The following CNTN4 variants were observed in gnomAD, a reference collection of about 807,000 sequenced individuals.
CNTN4 encodes the protein contactin-4.
In CNTN4, 77 loss-of-function variants were observed where a neutral mutation model predicts 122.5. That is an observed-to-expected ratio of 0.63 (90% confidence interval 0.52 to 0.76). The LOEUF (loss-of-function observed/expected upper bound fraction) is 0.76, where lower values mean the gene tolerates loss of function less well. Ranked by LOEUF, CNTN4 falls within the 30% of genes least tolerant of loss-of-function variation. CNTN4 has a pLI of 0.00. For synonymous variants in CNTN4, 512 were observed against 447.0 expected (o/e 1.15, Z -1.83); for missense variants, 1,256 against 1,259.1 (o/e 1.00, Z 0.04).
intron 3 of CNTN4, among the ~76,000 whole-genome samples, chr3:2,502,905 C>G (rs11927415): frequency 2.2e-3 from 334 of 152,184 alleles, no homozygotes; most frequent in African/African-American, 7.6e-3. Context: ...TTACTAACTT[C>G]CCAAATTACA....
At chr3:2,187,264 T>C (rs1444807255) in intron 2 of CNTN4, among the ~76,000 whole-genome samples, 1 of 152,222 alleles carries the variant, frequency 6.6e-6, no homozygotes, top group African/African-American at 2.4e-5. Flanking sequence ...TTCTGAGGGC[T>C]CTGTTCGGTT....
intron 13 of CNTN4, chr3:2,927,358 A>G: frequency 4.4e-6 from 2 of 455,486 alleles, no homozygotes; most frequent in Non-Finnish European, 8.8e-6. Flanking sequence ...GTGGACCAAG[A>G]TGCTCTGGAC....
chr3:2,596,741 A>G (rs568456289), intron 4 of CNTN4, among the ~76,000 whole-genome samples: 77 of 152,294 alleles, frequency 5.1e-4, no homozygotes, highest in African/African-American at 1.7e-3. Flanking sequence ...TTGACTCTAA[A>G]GGTCCATGCT....
intron 13 of CNTN4, among the ~76,000 whole-genome samples, chr3:2,981,887 A>C (rs1377553843): frequency 6.6e-6 from 1 of 152,094 alleles, no homozygotes; most frequent in African/African-American, 2.4e-5. Flanking sequence ...TCTACTAAAA[A>C]TACAAAATAT....
In CNTN4 at chr3:2,375,922, G is replaced by GA. The variant is rs776661178; in HGVS notation, c.-89+36700dup. ...GCCTGACATACATCAGTTGAAAGAA[G>GA]AAAAAAAAAAAGAGAAAACCCTCTG... On this transcript the variant is annotated intron_variant, in intron 3 of 24. Coordinates refer to ENST00000418658, the MANE Select transcript of CNTN4 (RefSeq NM_175607.3). 3.4e-3 allele frequency among the ~76,000 whole-genome samples: 477 copies of GA among 141,036 alleles called. 2 individuals are homozygous for GA. Among genetic ancestry groups the GA allele is most frequent in the African/African-American group, 6.6e-3 (253 of 38,604 alleles). 92.5% of individuals were successfully genotyped at this position (141,036 alleles called of 152,430 possible). A position where few individuals can be genotyped will look rare whatever the true frequency, so the allele number is the denominator to read the frequency against.
intron 3 of CNTN4, among the ~76,000 whole-genome samples, chr3:2,457,595 A>G (rs2049048443): frequency 6.6e-6 from 1 of 152,126 alleles, no homozygotes; most frequent in South Asian, 2.1e-4. Flanking sequence ...ATTCCCATTT[A>G]TGTCCTCAAT....
chr3:2,102,510 A>G (rs909945362), intron 2 of CNTN4, among the ~76,000 whole-genome samples: 2 of 152,152 alleles, frequency 1.3e-5, no homozygotes, highest in Non-Finnish European at 2.9e-5. Context: ...TGTGAAATAT[A>G]TTTATTTCTC....
chr3:2,194,391 G>A (rs75236912), intron 2 of CNTN4, among the ~76,000 whole-genome samples: 1 of 152,262 alleles, frequency 6.6e-6, no homozygotes, highest in Admixed American at 6.5e-5. Flanking sequence ...AGCCTGAGAG[G>A]TTGAGGCTGG....
chr3:2,736,585 T>C (rs1418521442), intron 5 of CNTN4, among the ~76,000 whole-genome samples: 2 of 151,416 alleles, frequency 1.3e-5, no homozygotes, highest in African/African-American at 4.8e-5. Flanking sequence ...TGCCTCAGCC[T>C]CCCGAGTAGC....
intron 13 of CNTN4, among the ~76,000 whole-genome samples, chr3:2,961,219 G>C (rs1454526828): frequency 1.7e-5 from 1 of 59,330 alleles, no homozygotes; most frequent in Admixed American, 2.2e-4. Context: ...GACAGAACGA[G>C]ACTCCATCTC....
intron 2 of CNTN4, among the ~76,000 whole-genome samples, chr3:2,304,783 CTTTT>C (rs971983653): frequency 1.3e-5 from 2 of 150,048 alleles, no homozygotes; most frequent in South Asian, 4.3e-4. Flanking sequence ...TACAATGGAG[CTTTT>C]TCCATTGTAA....
At chr3:2,391,528 T>A (rs905240645) in intron 3 of CNTN4, among the ~76,000 whole-genome samples, 1 of 152,198 alleles carries the variant, frequency 6.6e-6, no homozygotes, top group Non-Finnish European at 1.5e-5. Context: ...ACCAGTCTAG[T>A]TTATTAACTC....
intron 3 of CNTN4, among the ~76,000 whole-genome samples, chr3:2,562,318 A>G (rs1199341822): frequency 6.6e-6 from 1 of 152,026 alleles, no homozygotes; most frequent in African/African-American, 2.4e-5. Context: ...AGGACAAATG[A>G]CCCTATCACC....
At chr3:2,581,567 A>G (rs1273252476) in intron 4 of CNTN4, among the ~76,000 whole-genome samples, 2 of 152,200 alleles carry the variant, frequency 1.3e-5, no homozygotes, top group Admixed American at 6.5e-5. Flanking sequence ...CCCCTTTAAG[A>G]CACCTTCATA....
At chr3:2,739,883 T>C (rs1282900342) in intron 5 of CNTN4, among the ~76,000 whole-genome samples, 2 of 152,200 alleles carry the variant, frequency 1.3e-5, no homozygotes, top group African/African-American at 2.4e-5. Flanking sequence ...GAGTTTTCTC[T>C]GTCTCAACTT....
intron 6 of CNTN4, among the ~76,000 whole-genome samples, chr3:2,788,519 G>A (rs1008712971): frequency 6.6e-6 from 1 of 152,102 alleles, no homozygotes; most frequent in African/African-American, 2.4e-5. Context: ...AAATACATAC[G>A]TAAGGATCTA....
Position 2,553,894 on chromosome 3 carries a change from CGAGT to C in CNTN4, c.-88-17521_-88-17518del, listed in dbSNP as rs545994157. On this transcript the variant is annotated intron_variant, in intron 3 of 24. Coordinates refer to ENST00000418658, the MANE Select transcript of CNTN4 (RefSeq NM_175607.3). ...ATATGTCTTGAACCAAACCAGTAGA[CGAGT>C]TAGTTTAACTGTATGAATTAACAAC... 6.9e-4 allele frequency among the ~76,000 whole-genome samples: 105 copies of C among 152,196 alleles called. 1 individual carries two copies. Among genetic ancestry groups the C allele is most frequent in the African/African-American group, 2.5e-3 (102 of 41,536 alleles).
intron 3 of CNTN4, among the ~76,000 whole-genome samples, chr3:2,437,086 T>G (rs1381424567): frequency 6.6e-6 from 1 of 152,084 alleles, no homozygotes; most frequent in Non-Finnish European, 1.5e-5. Context: ...TTGTGTTAAG[T>G]GTTTCTTCAT....
chr3:2,249,380 C>T (rs943722176), intron 2 of CNTN4, among the ~76,000 whole-genome samples: 3 of 151,904 alleles, frequency 2.0e-5, no homozygotes, highest in African/African-American at 7.2e-5. Context: ...ATCTTCCGAC[C>T]TCTGAAATAG....
Sources: gnomAD v4.1 joint callset for allele counts (sites outside exome capture counted in the v4.1 genomes callset) on GRCh38, gnomAD v4.1.1 for gene constraint, MANE v1.5 for transcripts, NCBI Gene and HGNC (gene_info 2026-07-23, HGNC 2026-07-21) for gene names.